The following PTPRT variants were observed in gnomAD, a reference collection of about 807,000 sequenced individuals.
PTPRT encodes the protein protein tyrosine phosphatase receptor type T.
PTPRT carries 56 observed loss-of-function variants against 176.8 expected under a neutral mutation model. The observed-to-expected ratio is 0.32, with a 90% CI of 0.26 to 0.40. The LOEUF is 0.40. Ranked by LOEUF, PTPRT falls within the 10% of genes least tolerant of loss-of-function variation. The pLI, the probability that PTPRT is intolerant of heterozygous loss-of-function variation, is 1.00. For missense variants in PTPRT, 1,540 were observed against 1,908.2 expected (o/e 0.81, Z 3.60); for synonymous variants, 783 against 739.0 (o/e 1.06, Z -0.96).
chr20:42,345,939 A>G (rs565535289), intron 11 of PTPRT, among the ~76,000 whole-genome samples: 1 of 152,306 alleles, frequency 6.6e-6, no homozygotes, highest in Admixed American at 6.5e-5. Context: ...ATGCAATGGA[A>G]AACCAATGAC....
intron 13 of PTPRT, among the ~76,000 whole-genome samples, chr20:42,251,536 A>G (rs2056550975): frequency 6.6e-6 from 1 of 152,056 alleles, no homozygotes; most frequent in South Asian, 2.1e-4. Context: ...AGCACATGGC[A>G]CTTGTAAATA....
At chr20:43,107,123 G>A (rs982761027) in intron 1 of PTPRT, among the ~76,000 whole-genome samples, 2 of 152,100 alleles carry the variant, frequency 1.3e-5, no homozygotes, top group Admixed American at 6.5e-5. Flanking sequence ...TTTTCTAATT[G>A]TTTCTACTTA....
intron 7 of PTPRT, among the ~76,000 whole-genome samples, chr20:42,602,673 T>A (rs1000186112): frequency 6.6e-6 from 1 of 152,054 alleles, no homozygotes; most frequent in African/African-American, 2.4e-5. Flanking sequence ...CACTATGTTC[T>A]TTTTTTCTCC....
At chr20:42,312,012 C>A (rs572057304) in intron 12 of PTPRT, among the ~76,000 whole-genome samples, 3,466 of 152,148 alleles carry the variant, frequency 0.023, 73 homozygotes, top group Non-Finnish European at 0.033. Context: ...ATTATAGATC[C>A]AGATTAGAAC....
intron 1 of PTPRT, among the ~76,000 whole-genome samples, chr20:42,966,975 A>G (rs543790668): frequency 7.5e-4 from 114 of 152,336 alleles, no homozygotes; most frequent in African/African-American, 2.4e-3. Context: ...GTGCTTTTAC[A>G]ACAACTTCTT....
At chr20:42,514,987 T>C (rs1229374196) in intron 7 of PTPRT, among the ~76,000 whole-genome samples, 1 of 152,206 alleles carries the variant, frequency 6.6e-6, no homozygotes, top group Non-Finnish European at 1.5e-5. Context: ...ATTTTCTCTT[T>C]TGGATATCCT....
intron 15 of PTPRT, among the ~76,000 whole-genome samples, chr20:42,216,099 A>T (rs1367499296): frequency 3.3e-5 from 5 of 150,592 alleles, no homozygotes; most frequent in Non-Finnish European, 7.4e-5. Context: ...AGCTGAGTGA[A>T]CCTCCTTCTC....
intron 2 of PTPRT, among the ~76,000 whole-genome samples, chr20:42,795,048 T>C (rs778885070): frequency 3.3e-5 from 5 of 152,090 alleles, no homozygotes; most frequent in African/African-American, 1.2e-4. Flanking sequence ...CCCGCTTTGA[T>C]CAACAGGTTG....
chr20:42,489,783 C>T lies in PTPRT; in HGVS notation c.1154-17221G>A, dbSNP rs116632134. Among the ~76,000 whole-genome samples the T allele has an allele frequency of 7.3e-3, 1,070 of 145,940 alleles. 12 individuals carry two copies. Among genetic ancestry groups the T allele is most frequent in the African/African-American group, 0.028 (1,007 of 35,570 alleles). ...GCTGTGATTTCCCTCTCTTCCTTTC[C>T]CTATGAAAGACACAAACTTTTTTTG... On this transcript the variant is annotated intron_variant, in intron 7 of 30. Transcript: ENST00000373187.
intron 7 of PTPRT, among the ~76,000 whole-genome samples, chr20:42,508,029 A>T (rs374178335): frequency 1.4e-4 from 21 of 152,016 alleles, no homozygotes; most frequent in African/African-American, 5.1e-4. Flanking sequence ...TTAATCATCA[A>T]ATGGCTTAAT....
intron 6 of PTPRT, 143 bp from the exon 7 acceptor site, chr20:42,678,302 T>G: frequency 1.2e-6 from 1 of 809,240 alleles, no homozygotes. Flanking sequence ...ATTTTATTAT[T>G]TTTATTTTAT....
intron 8 of PTPRT, among the ~76,000 whole-genome samples, chr20:42,451,932 C>G (rs781689005): frequency 1.2e-4 from 18 of 152,088 alleles, no homozygotes; most frequent in Non-Finnish European, 2.4e-4. Context: ...AATAATGACT[C>G]TCTTAAAGAC....
chr20:42,287,192 C>G (rs896052100), intron 12 of PTPRT, among the ~76,000 whole-genome samples: 1 of 151,852 alleles, frequency 6.6e-6, no homozygotes, highest in Admixed American at 6.6e-5. Flanking sequence ...CTCAAAAAAA[C>G]TATAAATAGA....
At chr20:42,766,963 A>T (rs756523083) in intron 5 of PTPRT, among the ~76,000 whole-genome samples, 1 of 152,160 alleles carries the variant, frequency 6.6e-6, no homozygotes, top group Admixed American at 6.5e-5. Flanking sequence ...GGAAATTCTC[A>T]GGCTAAGTCA....
chr20:43,057,509 G>T (rs78473069), intron 1 of PTPRT, among the ~76,000 whole-genome samples: 12,605 of 152,162 alleles, frequency 0.083, 584 homozygotes, highest in Middle Eastern at 0.15. Flanking sequence ...AACTAAAAAA[G>T]AAAGTGCATG....
intron 6 of PTPRT, among the ~76,000 whole-genome samples, chr20:42,714,427 G>C (rs1290591555): frequency 1.3e-5 from 2 of 152,260 alleles, no homozygotes; most frequent in East Asian, 3.9e-4. Context: ...TGCAGTATTA[G>C]AAGCCAGAAA....
intron 16 of PTPRT, among the ~76,000 whole-genome samples, chr20:42,163,145 G>T (rs1002776): frequency 0.024 from 3,612 of 152,204 alleles, 140 homozygotes; most frequent in African/African-American, 0.083. Flanking sequence ...GGGAGGAGAG[G>T]CTACTAATCT....
chr20:42,036,615 G>A, the PTPRT span, among the ~76,000 whole-genome samples: 8 of 152,238 alleles, frequency 5.3e-5, no homozygotes, highest in Admixed American at 3.9e-4. Flanking sequence ...CAGGAATCCC[G>A]AAGAGCACTT....
At chr20:43,172,939 C>G (rs1187280301) in intron 1 of PTPRT, among the ~76,000 whole-genome samples, 3 of 140,738 alleles carry the variant, frequency 2.1e-5, no homozygotes, top group Non-Finnish European at 4.5e-5. Flanking sequence ...ATGGCACAAT[C>G]TCTGCTCACC....
Sources: gnomAD v4.1 joint callset for allele counts (sites outside exome capture counted in the v4.1 genomes callset) on GRCh38, gnomAD v4.1.1 for gene constraint, MANE v1.5 for transcripts, NCBI Gene and HGNC (gene_info 2026-07-23, HGNC 2026-07-21) for gene names.